VRK1: variants seen among roughly 807,000 people sequenced by gnomAD.
The protein encoded by VRK1 is VRK serine/threonine kinase 1.
Under a neutral mutation model 57.1 loss-of-function variants are expected in VRK1, and 33 were observed. The observed-to-expected ratio is 0.58, with a 90% confidence interval of 0.44 to 0.77. VRK1 has a LOEUF of 0.77. Among genes scored for constraint, VRK1 ranks in the 30% least tolerant of loss-of-function variants. The probability of loss-of-function intolerance (pLI) is 0.00; values close to 1 mark genes in which losing one functional copy is unlikely to be tolerated. For missense variants in VRK1, 413 were observed against 477.3 expected, an observed-to-expected ratio of 0.87 and a Z score of 1.25; for synonymous variants, 137 against 147.8, an observed-to-expected ratio of 0.93 and a Z score of 0.53.
At chr14:96,817,074 A>G (rs1374020137) in intron 1 of VRK1, among the ~76,000 whole-genome samples, 2 of 152,222 alleles carry the variant, frequency 1.3e-5, no homozygotes, top group Non-Finnish European at 2.9e-5. Context: ...GTTAGTAGAA[A>G]CAAACAAATT....
intron 1 of VRK1, among the ~76,000 whole-genome samples, chr14:96,832,557 C>A (rs759528219): frequency 6.6e-6 from 1 of 152,094 alleles, no homozygotes; most frequent in Non-Finnish European, 1.5e-5. Context: ...GTGACTTGAT[C>A]AAGATTACCC....
intron 3 of VRK1, among the ~76,000 whole-genome samples, chr14:96,838,042 T>G (rs1322684891): frequency 1.3e-5 from 2 of 152,156 alleles, no homozygotes; most frequent in Non-Finnish European, 2.9e-5. Flanking sequence ...CGGGGGTAAA[T>G]GAAGGAAAGC....
rs750344677 is a variant in VRK1 at position 96,860,846 on chromosome 14, C to A, written c.1068+111C>A. 1.6e-5 allele frequency: 18 copies of A among 1,099,316 alleles called. No individual in the cohort carries two copies. In the Middle Eastern group the frequency reaches 8.7e-4, roughly 53 times the overall value. The allele number at this position is 1,099,316 out of a possible 1,614,324, so 68.1% of individuals were successfully genotyped here. The stretch of plus-strand genomic sequence containing the variant: ...TGAAGAACAATAACAGATTGCATGG[C>A]AATTAAGGCAAACATTTTTTGTAAT... On this transcript the variant is annotated intron_variant, in intron 11 of 12. Coordinates refer to ENST00000216639, the MANE Select transcript of VRK1 (RefSeq NM_003384.3).
chr14:96,798,236 C>T (rs1384360718), intron 1 of VRK1, among the ~76,000 whole-genome samples: 1 of 152,208 alleles, frequency 6.6e-6, no homozygotes. Context: ...GGGTGGCATC[C>T]TTTACTGTTG....
chr14:96,835,696 A>T (rs577321728), intron 2 of VRK1, among the ~76,000 whole-genome samples: 2 of 152,318 alleles, frequency 1.3e-5, no homozygotes, highest in East Asian at 3.9e-4. Context: ...CTGGGAAGGC[A>T]TTCTTGAGCA....
rs1441270768 is a variant in VRK1 at position 96,856,509 on chromosome 14, A to G, written c.831-19A>G. On this transcript the variant is annotated intron_variant, in intron 9 of 12. Coordinates refer to ENST00000216639, the MANE Select transcript of VRK1 (RefSeq NM_003384.3). ...ATATGACATCAAGCTTCAGTGACTC[A>G]TTCTTTAATTTTTAACAGATACAGA... 1 of 1,603,802 alleles carries G rather than the reference A, an allele frequency of 6.2e-7. No individual in the cohort carries two copies. Among genetic ancestry groups the G allele is most frequent in the Non-Finnish European group, 8.5e-7 (1 of 1,171,110 alleles).
chr14:96,862,889 A>G lies in VRK1; in HGVS notation c.1068+2154A>G, dbSNP rs78548818. 2.2e-3 allele frequency among the ~76,000 whole-genome samples: 331 copies of G among 152,288 alleles called. 11 individuals are homozygous for G. In the East Asian group the frequency reaches 0.051, roughly 24 times the overall value. On this transcript the variant is annotated intron_variant, in intron 11 of 12. Coordinates refer to ENST00000216639, the MANE Select transcript of VRK1 (RefSeq NM_003384.3). ...AGTGTGAAGTATATTTTCTGTGTAT[A>G]TATCAGACTCAGATCTCTTTTGGAA...
At position 96,851,063 on chromosome 14, in the gene VRK1, A is replaced by C. The variant is rs189465386; in HGVS notation, c.375-1768A>C. Among the ~76,000 whole-genome samples, 546 of 152,314 alleles carry C rather than the reference A, an allele frequency of 3.6e-3. 2 individuals are homozygous for C. Among genetic ancestry groups the C allele is most frequent in the Non-Finnish European group, 6.0e-3 (406 of 68,030 alleles). ...TACACAAAGGAAACCAGGAAGTCAA[A>C]GTTACCATTTTCACTTTATTATCTT... On this transcript the variant is annotated intron_variant, in intron 5 of 12. Transcript: ENST00000216639.
At chr14:96,842,710 A>G (rs903473092) in intron 3 of VRK1, among the ~76,000 whole-genome samples, 5 of 152,234 alleles carry the variant, frequency 3.3e-5, no homozygotes, top group Admixed American at 6.5e-5. Flanking sequence ...GTAGAGTATG[A>G]TCAGAATCTG....
At chr14:96,837,894 A>G in intron 3 of VRK1, 77 bp downstream of exon 3, 1 of 993,708 alleles carries the variant, frequency 1.0e-6, no homozygotes, top group Non-Finnish European at 1.4e-6. Flanking sequence ...TTTTTGATTA[A>G]CTAGAATTAA....
Position 96,810,692 on chromosome 14 carries a change from T to A in VRK1, c.-6+13245T>A, listed in dbSNP as rs757866580. ...TCAGCTTCATTTGTGAAATGAAGGA[T>A]TTGAATGGAATGTTTTCTGATTTTC... On this transcript the variant is annotated intron_variant, in intron 1 of 12. Coordinates refer to ENST00000216639, the MANE Select transcript of VRK1 (RefSeq NM_003384.3). Among the ~76,000 whole-genome samples, 31 of 152,216 alleles carry A rather than the reference T, an allele frequency of 2.0e-4. 1 individual carries two copies. Among genetic ancestry groups the A allele is most frequent in the Non-Finnish European group, 3.7e-4 (25 of 68,044 alleles).
intron 3 of VRK1, among the ~76,000 whole-genome samples, chr14:96,843,598 C>T (rs979952464): frequency 6.6e-6 from 1 of 152,000 alleles, no homozygotes; most frequent in African/African-American, 2.4e-5. Flanking sequence ...TTTCTGTTGT[C>T]ATCTTCATTT....
At chr14:96,863,923 G>A (rs907727473) in intron 11 of VRK1, among the ~76,000 whole-genome samples, 14 of 152,146 alleles carry the variant, frequency 9.2e-5, no homozygotes, top group African/African-American at 3.4e-4. Context: ...TTTCTGAAGG[G>A]ATTGCACCTC....
At chr14:96,801,981 A>C (rs1312019457) in intron 1 of VRK1, among the ~76,000 whole-genome samples, 1 of 152,206 alleles carries the variant, frequency 6.6e-6, no homozygotes, top group East Asian at 1.9e-4. Flanking sequence ...GGTCAGCTGT[A>C]TGCATTTTTT....
At chr14:96,804,985 A>G (rs142443611) in intron 1 of VRK1, among the ~76,000 whole-genome samples, 2 of 152,174 alleles carry the variant, frequency 1.3e-5, no homozygotes, top group African/African-American at 4.8e-5. Context: ...CCGTTGGCTC[A>G]TTGTTGATGT....
intron 11 of VRK1, among the ~76,000 whole-genome samples, chr14:96,870,085 T>C (rs1200025290): frequency 6.6e-6 from 1 of 152,184 alleles, no homozygotes. Context: ...GTACAGGTAA[T>C]AGGATATTGA....
At chr14:96,798,018 C>G (rs1022983872) in intron 1 of VRK1, among the ~76,000 whole-genome samples, 1 of 152,100 alleles carries the variant, frequency 6.6e-6, no homozygotes, top group Non-Finnish European at 1.5e-5. Context: ...TGACTTGAGA[C>G]CTGAGAGGGG....
chr14:96,820,170 C>T (rs1287719228), intron 1 of VRK1, among the ~76,000 whole-genome samples: 1 of 151,742 alleles, frequency 6.6e-6, no homozygotes. Context: ...ACTATCCGAT[C>T]GAGAAATGGT....
intron 11 of VRK1, among the ~76,000 whole-genome samples, chr14:96,875,560 T>C (rs765159606): frequency 7.2e-5 from 11 of 152,248 alleles, no homozygotes; most frequent in Non-Finnish European, 1.5e-4. Flanking sequence ...GTACAAACAC[T>C]GATTTAATAA....
Sources: gnomAD v4.1 joint callset for allele counts (sites outside exome capture counted in the v4.1 genomes callset) on GRCh38, gnomAD v4.1.1 for gene constraint, MANE v1.5 for transcripts, NCBI Gene and HGNC (gene_info 2026-07-23, HGNC 2026-07-21) for gene names.